The following PDE4D variants were observed in gnomAD, a reference collection of about 807,000 sequenced individuals.
The protein encoded by PDE4D is 3',5'-cyclic-AMP phosphodiesterase 4D.
Under a neutral mutation model 87.4 loss-of-function variants are expected in PDE4D, and 24 were observed. The observed-to-expected ratio is 0.27, with a 90% CI of 0.20 to 0.39. PDE4D has a LOEUF of 0.39. Ranked by LOEUF, PDE4D falls within the 10% of genes least tolerant of loss-of-function variation. The pLI is 1.00. For synonymous variants in PDE4D, 384 were observed against 383.2 expected (o/e 1.00, Z -0.02); for missense variants, 714 against 1,041.0 (o/e 0.69, Z 4.32).
chr5:59,366,122 G>C (rs372730125), intron 1 of PDE4D, among the ~76,000 whole-genome samples: 4 of 151,954 alleles, frequency 2.6e-5, no homozygotes, highest in Non-Finnish European at 5.9e-5. Context: ...CTACTGTTTA[G>C]ATTCCAACAG....
chr5:59,741,411 T>C (rs902499519), intron 1 of PDE4D, among the ~76,000 whole-genome samples: 1 of 152,152 alleles, frequency 6.6e-6, no homozygotes, highest in Non-Finnish European at 1.5e-5. Flanking sequence ...TCTTGCAGTT[T>C]CTATTCAAAA....
chr5:60,163,968 G>A (rs1782681297), intron 2 of PDE4D, among the ~76,000 whole-genome samples: 2 of 152,110 alleles, frequency 1.3e-5, no homozygotes, highest in Admixed American at 6.6e-5. Context: ...AAACCATCTG[G>A]TAAATGCTGA....
At chr5:59,062,034 T>G (rs1763205363) in intron 5 of PDE4D, among the ~76,000 whole-genome samples, 1 of 151,998 alleles carries the variant, frequency 6.6e-6, no homozygotes, top group Non-Finnish European at 1.5e-5. Context: ...CCACTCTGCT[T>G]CTCCACTGCT....
At chr5:59,943,212 C>CT (rs11290989) in intron 3 of PDE4D, among the ~76,000 whole-genome samples, 37 of 150,236 alleles carry the variant, frequency 2.5e-4, no homozygotes, top group African/African-American at 4.9e-4. Context: ...TATTATTATC[C>CT]TTTTTTTTTT....
intron 2 of PDE4D, among the ~76,000 whole-genome samples, chr5:60,165,502 T>A (rs1176054815): frequency 6.6e-6 from 1 of 151,982 alleles, no homozygotes; most frequent in Non-Finnish European, 1.5e-5. Flanking sequence ...AGGTTTTTTA[T>A]AATTCTAATA....
At chr5:59,736,193 T>C (rs1385845118) in intron 1 of PDE4D, among the ~76,000 whole-genome samples, 2 of 150,780 alleles carry the variant, frequency 1.3e-5, no homozygotes, top group South Asian at 2.1e-4. Flanking sequence ...CAGGTAGATA[T>C]TGAAAGATTC....
chr5:59,736,297 C>T (rs190136097), intron 1 of PDE4D, among the ~76,000 whole-genome samples: 9 of 152,106 alleles, frequency 5.9e-5, no homozygotes. Context: ...AAAGACAAAA[C>T]ATGTTAAGAA....
chr5:59,065,115 CACACACACATAT>C (rs1485572568), intron 5 of PDE4D, among the ~76,000 whole-genome samples: 17 of 119,448 alleles, frequency 1.4e-4, no homozygotes, highest in African/African-American at 6.4e-4. Flanking sequence ...CACACACACA[CACACACACATAT>C]ACAATGAAAT....
At chr5:60,306,895 GAAGT>G (rs1225586912) in intron 1 of PDE4D, among the ~76,000 whole-genome samples, 1 of 152,004 alleles carries the variant, frequency 6.6e-6, no homozygotes, top group Admixed American at 6.6e-5. Context: ...AATTGTATAA[GAAGT>G]AAGTTATTTC....
At chr5:59,990,855 C>T (rs1225317210) in intron 2 of PDE4D, among the ~76,000 whole-genome samples, 1 of 152,070 alleles carries the variant, frequency 6.6e-6, no homozygotes, top group Admixed American at 6.6e-5. Flanking sequence ...TTGATTTTAG[C>T]ACTCAAAGTC....
intron 1 of PDE4D, among the ~76,000 whole-genome samples, chr5:59,855,631 C>T (rs977345765): frequency 6.6e-6 from 1 of 152,110 alleles, no homozygotes; most frequent in African/African-American, 2.4e-5. Context: ...CAGGCCAATG[C>T]CTACTGTGAA....
rs1554202239 is a variant in PDE4D at position 60,305,066 on chromosome 5, C to CACACA, written c.-89-119384_-89-119380dup. Among the ~76,000 whole-genome samples, 35 of 150,236 alleles carry CACACA rather than the reference C, an allele frequency of 2.3e-4. No individual in the cohort carries two copies. In the South Asian group the frequency reaches 3.4e-3, roughly 14 times the overall value. On this transcript the variant is annotated intron_variant, in intron 1 of 16. Coordinates refer to the PDE4D transcript ENST00000502484. The stretch of plus-strand genomic sequence containing the variant: ...ACACACACACACACACACACACACA[C>CACACA]ACACAACACACAACAGGGGAAAGAG...
chr5:60,239,672 A>G (rs189564186), intron 1 of PDE4D, among the ~76,000 whole-genome samples: 117 of 152,140 alleles, frequency 7.7e-4, no homozygotes, highest in Admixed American at 7.3e-3. Flanking sequence ...TTATTACTAC[A>G]TGTTTCTAAT....
intron 1 of PDE4D, among the ~76,000 whole-genome samples, chr5:60,345,238 T>C (rs59014679): frequency 0.1 from 15,847 of 151,698 alleles, 1,635 homozygotes; most frequent in African/African-American, 0.27. Flanking sequence ...TAGGTGGGAA[T>C]TGAACAATGA....
At chr5:59,042,595 A>G (rs116182207) in intron 5 of PDE4D, among the ~76,000 whole-genome samples, 1 of 152,276 alleles carries the variant, frequency 6.6e-6, no homozygotes, top group African/African-American at 2.4e-5. Flanking sequence ...GGAACTAAAC[A>G]GAGAAAAACA....
chr5:59,763,350 A>C (rs930310146), intron 1 of PDE4D, among the ~76,000 whole-genome samples: 5 of 151,992 alleles, frequency 3.3e-5, no homozygotes. Context: ...AATAAAAAAA[A>C]ATCTGAGTCG....
At chr5:59,878,694 C>T (rs972619547) in intron 1 of PDE4D, among the ~76,000 whole-genome samples, 3 of 152,068 alleles carry the variant, frequency 2.0e-5, no homozygotes, top group Non-Finnish European at 4.4e-5. Flanking sequence ...AGTCAGTCGA[C>T]AGGATCTATC....
Position 59,893,598 on chromosome 5 carries a change from G to C in PDE4D, c.25C>G (p.Pro9Ala), listed in dbSNP as rs754644349. The C allele has an allele frequency of 6.6e-7, 1 of 1,518,982 alleles. No individual in the cohort carries two copies. The highest frequency in any genetic ancestry group is 2.6e-5 in the East Asian group (1 of 37,810). 94.1% of individuals were successfully genotyped at this position (1,518,982 alleles called of 1,614,324 possible). MEAEGSSAPARAGSGEGSD... is the reference protein window; with the variant it reads MEAEGSSAAARAGSGEGSD... The stretch of plus-strand genomic sequence containing the variant: ...CCCTCTCCGCTGCCCGCCCGGGCCG[G>C]CGCGCTGCTGCCCTCTGCCTCCATC... The change falls in exon 1 of 15, where the codon CCG (proline) becomes GCG (alanine). Residue 9 changes from proline (P) to alanine (A), a missense_variant. By Grantham distance (27) the Pro-to-Ala change is conservative. This residue lies in a region of PDE4D where 268 missense variants were observed against 272.9 expected (regional missense o/e 0.98). Transcript: ENST00000340635.
intron 5 of PDE4D, among the ~76,000 whole-genome samples, chr5:59,156,331 A>ATATATGTGTGTGTGTG (rs1384479557): frequency 8.1e-6 from 1 of 122,768 alleles, no homozygotes; most frequent in African/African-American, 3.4e-5. Context: ...ATATATATAT[A>ATATATGTGTGTGTGTG]TGTGTGTGTG....
Sources: allele counts gnomAD v4.1 joint callset (sites outside exome capture counted in the v4.1 genomes callset), GRCh38; gene constraint gnomAD v4.1.1; regional missense constraint gnomAD v4.1.1; transcripts MANE v1.5; gene names NCBI Gene and HGNC (gene_info 2026-07-23, HGNC 2026-07-21).